Variants in PRKRIP1 observed in about 807,000 individuals in gnomAD.
The protein encoded by PRKRIP1 is PRKR interacting protein 1.
In PRKRIP1, 29 loss-of-function variants were observed where a neutral mutation model predicts 29.3. The ratio of observed to expected loss-of-function variants is 0.99; its 90% CI spans 0.74 to 1.35. PRKRIP1 has a LOEUF of 1.35. Among genes scored for constraint, PRKRIP1 ranks in the 40% most tolerant of loss-of-function variants. PRKRIP1 has a pLI of 0.00. For synonymous variants in PRKRIP1, 90 were observed against 85.1 expected (o/e 1.06, Z -0.32); for missense variants, 247 against 236.8 (o/e 1.04, Z -0.28).
chr7:102,412,044 G>T (rs112624200), intron 5 of PRKRIP1, among the ~76,000 whole-genome samples: 2 of 151,696 alleles, frequency 1.3e-5, no homozygotes, highest in Admixed American at 1.3e-4. Context: ...CACCATGCCC[G>T]GCTGATTTTT....
chr7:102,413,710 C>T (rs1319789100), intron 5 of PRKRIP1, among the ~76,000 whole-genome samples: 1 of 152,148 alleles, frequency 6.6e-6, no homozygotes, highest in African/African-American at 2.4e-5. Flanking sequence ...TCTATAAATG[C>T]CATATTTATA....
intron 5 of PRKRIP1, among the ~76,000 whole-genome samples, chr7:102,417,013 TC>T (rs1386886981): frequency 1.4e-4 from 21 of 151,934 alleles, no homozygotes; most frequent in African/African-American, 5.1e-4. Flanking sequence ...CCACCACCAC[TC>T]CCGGCTAATT....
At position 102,396,555 on chromosome 7, in the gene PRKRIP1, C is replaced by T; in HGVS notation, c.126+18C>T. On this transcript the variant is annotated intron_variant, in intron 1 of 5. Transcript: ENST00000397912. ...AGAACCCGGTGAGACGAGGCCCAGG[C>T]TCCACGGCCCGTCCGAGGCCCACCC... The T allele has an allele frequency of 1.2e-6, 2 of 1,601,176 alleles. No individual in the cohort carries two copies. The highest frequency in any genetic ancestry group is 1.7e-6 in the Non-Finnish European group (2 of 1,175,488).
chr7:102,421,448 G>C (rs28879187), intron 5 of PRKRIP1, among the ~76,000 whole-genome samples: 1 of 151,888 alleles, frequency 6.6e-6, no homozygotes, highest in Non-Finnish European at 1.5e-5. Flanking sequence ...AGGAGGCTAC[G>C]GTGAGCCGTG....
intron 5 of PRKRIP1, among the ~76,000 whole-genome samples, chr7:102,410,124 GGC>G (rs1796341825): frequency 6.6e-6 from 1 of 152,076 alleles, no homozygotes; most frequent in Non-Finnish European, 1.5e-5. Flanking sequence ...CCAACCCCCT[GGC>G]AGGCAGTCTG....
intron 4 of PRKRIP1, 150 bp downstream of exon 4, chr7:102,404,833 G>C: frequency 1.8e-6 from 1 of 565,960 alleles, no homozygotes; most frequent in Non-Finnish European, 3.1e-6. Context: ...CAGAGAGCAA[G>C]TTCCTTATGA....
At chr7:102,413,423 G>T (rs112781802) in intron 5 of PRKRIP1, among the ~76,000 whole-genome samples, 3 of 152,198 alleles carry the variant, frequency 2.0e-5, no homozygotes, top group African/African-American at 7.2e-5. Flanking sequence ...GATACTCTAT[G>T]ATCATTTTAG....
At chr7:102,402,718 G>A (rs185305269) in intron 3 of PRKRIP1, among the ~76,000 whole-genome samples, 3 of 152,162 alleles carry the variant, frequency 2.0e-5, no homozygotes, top group African/African-American at 4.8e-5. Flanking sequence ...AGGCAAGCAC[G>A]TCCTCATTTT....
chr7:102,406,394 T>C (rs1349639089), intron 4 of PRKRIP1, among the ~76,000 whole-genome samples: 1 of 152,172 alleles, frequency 6.6e-6, no homozygotes, highest in Non-Finnish European at 1.5e-5. Flanking sequence ...CACAATCTGA[T>C]CGAGAAATGG....
chr7:102,406,652 C>T (rs1326104780), intron 4 of PRKRIP1, among the ~76,000 whole-genome samples: 1 of 152,096 alleles, frequency 6.6e-6, no homozygotes, highest in Non-Finnish European at 1.5e-5. Context: ...GGCCACGATG[C>T]TCATCTTCAA....
At chr7:102,419,882 TG>T (rs1554573563) in intron 5 of PRKRIP1, among the ~76,000 whole-genome samples, 6 of 147,634 alleles carry the variant, frequency 4.1e-5, no homozygotes, top group South Asian at 2.1e-4. Flanking sequence ...TGTGTGTGTG[TG>T]TGTGTGTGTG....
At position 102,396,556 on chromosome 7, in the gene PRKRIP1, T is replaced by A. The variant is rs1554570394; in HGVS notation, c.126+19T>A. Reference sequence around the variant, plus strand: ...GAACCCGGTGAGACGAGGCCCAGGCTCCACGGCCCGTCCGAGGCCCACCCC... The same window carrying A: ...GAACCCGGTGAGACGAGGCCCAGGCACCACGGCCCGTCCGAGGCCCACCCC... On this transcript the variant is annotated intron_variant, in intron 1 of 5. Transcript: ENST00000397912. The A allele has an allele frequency of 1.2e-6, 2 of 1,600,814 alleles. No homozygotes were observed. The highest frequency in any genetic ancestry group is 4.6e-5 in the East Asian group (2 of 43,788).
At chr7:102,420,290 A>G (rs1364708975) in intron 5 of PRKRIP1, among the ~76,000 whole-genome samples, 2 of 152,180 alleles carry the variant, frequency 1.3e-5, no homozygotes, top group African/African-American at 4.8e-5. Context: ...TTAACTTTGT[A>G]AGAAACTGCC....
intron 2 of PRKRIP1, among the ~76,000 whole-genome samples, chr7:102,398,684 C>G (rs1554570787): frequency 2.0e-5 from 3 of 152,092 alleles, no homozygotes. Context: ...TACAGGCTTA[C>G]CATGGAGATG....
At position 102,413,351 on chromosome 7, in the gene PRKRIP1, C is replaced by T. The variant is rs370139323; in HGVS notation, c.457+5853C>T. Among the ~76,000 whole-genome samples, 6 of 152,222 alleles carry T rather than the reference C, an allele frequency of 3.9e-5. No individual in the cohort carries two copies. In the East Asian group the frequency reaches 1.2e-3, roughly 29 times the overall value. On this transcript the variant is annotated intron_variant, in intron 5 of 5. Coordinates refer to ENST00000397912, the MANE Select transcript of PRKRIP1 (RefSeq NM_024653.4). ...TGGATCAAACTGTTTCTTTCAGAGC[C>T]AAAATCCTTCAACATAATATGTTGG...
At chr7:102,419,809 C>A (rs886988176) in intron 5 of PRKRIP1, among the ~76,000 whole-genome samples, 1 of 151,238 alleles carries the variant, frequency 6.6e-6, no homozygotes, top group African/African-American at 2.4e-5. Flanking sequence ...GATAAAGCTT[C>A]AACAGACATT....
At position 102,425,266 on chromosome 7, in the gene PRKRIP1, G is replaced by C; in HGVS notation, c.*155G>C. The C allele has an allele frequency of 6.8e-7, 1 of 1,471,108 alleles. No homozygotes were observed. Among genetic ancestry groups the C allele is most frequent in the South Asian group, 1.3e-5 (1 of 79,052 alleles). 91.1% of individuals were successfully genotyped at this position (1,471,108 alleles called of 1,614,324 possible). On this transcript the variant is annotated 3_prime_UTR_variant, in exon 6 of 6. Coordinates refer to ENST00000397912, the MANE Select transcript of PRKRIP1 (RefSeq NM_024653.4). Reference sequence around the variant, plus strand: ...CCGAGCCGCTCACAGTCCTGTATTTGGCAGGTTTGGGAGCCTGAGGGGCCA... The same window carrying C: ...CCGAGCCGCTCACAGTCCTGTATTTCGCAGGTTTGGGAGCCTGAGGGGCCA...
intron 5 of PRKRIP1, among the ~76,000 whole-genome samples, chr7:102,422,169 T>TTAC (rs1796711303): frequency 7.8e-6 from 1 of 128,038 alleles, no homozygotes; most frequent in Non-Finnish European, 1.7e-5. Flanking sequence ...ATTATTATTA[T>TTAC]TATTATTATG....
chr7:102,414,268 G>C (rs1796473465), intron 5 of PRKRIP1, among the ~76,000 whole-genome samples: 1 of 152,000 alleles, frequency 6.6e-6, no homozygotes, highest in East Asian at 1.9e-4. Flanking sequence ...GGAAATTATG[G>C]AGAAAGCTCA....
Sources: allele counts gnomAD v4.1 joint callset (sites outside exome capture counted in the v4.1 genomes callset), GRCh38; gene constraint gnomAD v4.1.1; transcripts MANE v1.5; gene names NCBI Gene and HGNC (gene_info 2026-07-23, HGNC 2026-07-21).